Variants in MRC1 observed in about 807,000 individuals in gnomAD.
MRC1 encodes mannose receptor C-type 1.
A neutral mutation model predicts 102.9 loss-of-function variants in MRC1; 62 were observed. The ratio of observed to expected loss-of-function variants is 0.60; its 90% CI spans 0.49 to 0.74. The LOEUF (loss-of-function observed/expected upper bound fraction) is 0.74. Ranked by LOEUF, MRC1 falls within the 30% of genes least tolerant of loss-of-function variation. The pLI, the probability that MRC1 is intolerant of heterozygous loss-of-function variation, is 0.00. For missense variants in MRC1, 1,237 were observed against 862.8 expected, an observed-to-expected ratio of 1.43 and a Z score of -5.43; for synonymous variants, 457 against 298.4, an observed-to-expected ratio of 1.53 and a Z score of -5.48.
chr10:17,886,192 G>C (rs2130698777), intron 22 of MRC1, among the ~76,000 whole-genome samples: 1 of 152,268 alleles, frequency 6.6e-6, no homozygotes, highest in Admixed American at 6.5e-5. Flanking sequence ...TTAATCAGTT[G>C]ACATACGTCT....
Position 17,910,456 on chromosome 10 carries a change from G to A in MRC1, c.4362G>A (p.Ser1454=), listed in dbSNP as rs952218697. ...LVGNIEQNEH[S]VI is the part of the protein sequence containing the mutation. ...GCAATATTGAACAGAATGAACACTC[G>A]GTCATCTAGTACCTCAATGCGATTC... The change falls in exon 30 of 30, where the codon TCG becomes TCA. Residue 1454 remains serine (S), a synonymous_variant. Transcript: ENST00000569591. The A allele has an allele frequency of 4.6e-4, 357 of 780,668 alleles. 1 individual carries two copies. In the East Asian group the frequency reaches 6.6e-3, roughly 14 times the overall value. The allele number at this position is 780,668 out of a possible 1,614,324, so 48.4% of individuals were successfully genotyped here.
At chr10:17,814,340 T>C (rs1589161570) in intron 1 of MRC1, among the ~76,000 whole-genome samples, 1 of 152,212 alleles carries the variant, frequency 6.6e-6, no homozygotes, top group Non-Finnish European at 1.5e-5. Context: ...TCCCTTTATC[T>C]GTATCAATTT....
chr10:17,817,761 C>T (rs1335129735), intron 1 of MRC1, among the ~76,000 whole-genome samples: 1 of 152,036 alleles, frequency 6.6e-6, no homozygotes, highest in Non-Finnish European at 1.5e-5. Flanking sequence ...ATTTCTGTTA[C>T]AAAAACATAA....
chr10:17,870,515 T>C (rs900718713), intron 13 of MRC1, 142 bp downstream of exon 13: 31 of 724,300 alleles, frequency 4.3e-5, no homozygotes, highest in African/African-American at 2.5e-4. Flanking sequence ...GTGGGCCCTG[T>C]TTGATCTAGT....
chr10:17,853,211 G>T lies in MRC1; in HGVS notation c.1407+87G>T, dbSNP rs1833011771. 1.1e-5 allele frequency: 8 copies of T among 760,582 alleles called. No homozygotes were observed. The Admixed American group carries it at 1.2e-4, about 12-fold the overall frequency. 47.1% of individuals were successfully genotyped at this position (760,582 alleles called of 1,614,324 possible). ...CCAGTCAGTTACATATGTTTGTTTA[G>T]ATTGTTTTTATTCTACATAAATTGG... On this transcript the variant is annotated intron_variant, in intron 8 of 29. Coordinates refer to ENST00000569591, the MANE Select transcript of MRC1 (RefSeq NM_002438.4).
At chr10:17,856,937 C>G (rs1404307656) in intron 9 of MRC1, among the ~76,000 whole-genome samples, 5 of 152,136 alleles carry the variant, frequency 3.3e-5, no homozygotes, top group African/African-American at 1.2e-4. Flanking sequence ...TTTTTTAAAG[C>G]ACACAGAAGC....
Position 17,880,505 on chromosome 10 carries a change from A to T in MRC1, c.2720-20A>T. 1 of 780,874 alleles carries T rather than the reference A, an allele frequency of 1.3e-6. No individual in the cohort carries two copies. Among genetic ancestry groups the T allele is most frequent in the East Asian group, 2.4e-5 (1 of 41,254 alleles). The allele number at this position is 780,874 out of a possible 1,614,324, so 48.4% of individuals were successfully genotyped here. A position where few individuals can be genotyped will look rare whatever the true frequency, so the allele number is the denominator to read the frequency against. Reference sequence around the variant, plus strand: ...AACATAAACATATGAATCTAATTTAACTATTTCTCTCTTTGCCAGGGTTTT... The same window carrying T: ...AACATAAACATATGAATCTAATTTATCTATTTCTCTCTTTGCCAGGGTTTT... On this transcript the variant is annotated intron_variant, in intron 19 of 29. Transcript: ENST00000569591.
Position 17,820,306 on chromosome 10 carries a change from G to A in MRC1, c.62-2768G>A, listed in dbSNP as rs996052173. Among the ~76,000 whole-genome samples, 240 of 152,096 alleles carry A rather than the reference G, an allele frequency of 1.6e-3. 2 individuals are homozygous for A. The highest frequency in any genetic ancestry group is 3.7e-3 in the Admixed American group (56 of 15,282). On this transcript the variant is annotated intron_variant, in intron 1 of 29. Coordinates refer to ENST00000569591, the MANE Select transcript of MRC1 (RefSeq NM_002438.4). ...ATGCAAAAACAAGCTGAAAATCCAG[G>A]AAGACTCCTAGGTTTTTAGCTTATA...
intron 22 of MRC1, among the ~76,000 whole-genome samples, chr10:17,891,915 A>G (rs1489092481): frequency 6.6e-6 from 1 of 152,114 alleles, no homozygotes; most frequent in East Asian, 1.9e-4. Flanking sequence ...TCGTAGTCCT[A>G]TGATGGGGAC....
Position 17,870,269 on chromosome 10 carries a change from G to A in MRC1, c.2007G>A (p.Glu669=), listed in dbSNP as rs1833336068. 2 of 780,448 alleles carry A rather than the reference G, an allele frequency of 2.6e-6. No individual in the cohort carries two copies. Among genetic ancestry groups the A allele is most frequent in the East Asian group, 2.4e-5 (1 of 41,230 alleles). The allele number at this position is 780,448 out of a possible 1,614,324, so 48.3% of individuals were successfully genotyped here. ...AGCTGTATGCAAAAGGAAAACATGA[G>A]AAGAAAACGTGGTTTGAATCTCGAG... ...CFKLYAKGKH[E]KKTWFESRDF... is the part of the protein sequence containing the mutation. The change falls in exon 13 of 30, where the codon GAG becomes GAA. Residue 669 remains glutamate, a synonymous_variant. Coordinates refer to ENST00000569591, the MANE Select transcript of MRC1 (RefSeq NM_002438.4).
chr10:17,850,737 T>C (rs1237679046), intron 7 of MRC1, among the ~76,000 whole-genome samples: 2 of 152,078 alleles, frequency 1.3e-5, no homozygotes, highest in Admixed American at 6.5e-5. Context: ...GACAGCTTCC[T>C]GACACATAGT....
rs1324933618 is a variant in MRC1 at position 17,883,420 on chromosome 10, T to C, written c.2981-1849T>C. On this transcript the variant is annotated intron_variant, in intron 21 of 29. Transcript: ENST00000569591. The stretch of plus-strand genomic sequence containing the variant: ...TTGAGATTACAGATGTGAGCCACCA[T>C]ATCTAGCTGTACTCATGCTGCTTTT... Among the ~76,000 whole-genome samples the C allele has an allele frequency of 8.7e-5, 13 of 149,338 alleles. No individual in the cohort carries two copies. The East Asian group carries it at 2.0e-3, about 23-fold the overall frequency.
chr10:17,866,391 AG>A (rs1277839747), intron 11 of MRC1, among the ~76,000 whole-genome samples, 170 bp from the exon 12 acceptor site: 1 of 152,118 alleles, frequency 6.6e-6, no homozygotes, highest in African/African-American at 2.4e-5. Context: ...ATGCCTGTGT[AG>A]GGGGCACTTT....
intron 4 of MRC1, among the ~76,000 whole-genome samples, chr10:17,834,692 G>C (rs1838636118): frequency 6.6e-6 from 1 of 152,174 alleles, no homozygotes; most frequent in Admixed American, 6.5e-5. Context: ...GGGATTACAG[G>C]CGTGAGCCAC....
chr10:17,827,323 T>C (rs1589166305), intron 2 of MRC1, among the ~76,000 whole-genome samples: 1 of 134,590 alleles, frequency 7.4e-6, no homozygotes, highest in East Asian at 2.2e-4. Flanking sequence ...CAGACAGCTC[T>C]ATGTACCCAG....
At chr10:17,835,172 C>G (rs1476701675) in intron 4 of MRC1, among the ~76,000 whole-genome samples, 1 of 152,168 alleles carries the variant, frequency 6.6e-6, no homozygotes, top group Admixed American at 6.6e-5. Flanking sequence ...TTTCTTTTGC[C>G]TGGAATTCTC....
chr10:17,822,048 GA>G (rs1359721972), intron 1 of MRC1, among the ~76,000 whole-genome samples: 14 of 150,722 alleles, frequency 9.3e-5, no homozygotes, highest in East Asian at 5.8e-4. Flanking sequence ...TTAATTAAAG[GA>G]AAAAAAAATG....
intron 5 of MRC1, among the ~76,000 whole-genome samples, chr10:17,842,384 A>C (rs2130628549): frequency 6.6e-6 from 1 of 152,374 alleles, no homozygotes; most frequent in East Asian, 1.9e-4. Context: ...TGGCTTAAAT[A>C]AATTAGATTT....
chr10:17,874,320 C>A (rs1833396176), intron 16 of MRC1, among the ~76,000 whole-genome samples: 2 of 152,190 alleles, frequency 1.3e-5, no homozygotes, highest in South Asian at 4.1e-4. Context: ...ATGACCCATT[C>A]CTCCTTCAAA....
Sources: allele counts gnomAD v4.1 joint callset (sites outside exome capture counted in the v4.1 genomes callset), GRCh38; gene constraint gnomAD v4.1.1; transcripts MANE v1.5; gene names NCBI Gene and HGNC (gene_info 2026-07-23, HGNC 2026-07-21).